CTNNA2: variants seen among roughly 807,000 people sequenced by gnomAD.
CTNNA2 encodes the protein catenin alpha 2.
A neutral mutation model predicts 101.0 loss-of-function variants in CTNNA2; 42 were observed. The observed-to-expected ratio is 0.42, with a 90% CI of 0.32 to 0.54. CTNNA2 has a LOEUF of 0.54. Ranked by LOEUF, CTNNA2 falls within the 20% of genes least tolerant of loss-of-function variation. The pLI is 0.14. For missense variants in CTNNA2, 871 were observed against 1,223.1 expected (o/e 0.71, Z 4.29); for synonymous variants, 450 against 456.4 (o/e 0.99, Z 0.18).
intron 9 of CTNNA2, among the ~76,000 whole-genome samples, chr2:80,433,463 C>T (rs112804935): frequency 1.2e-4 from 18 of 152,092 alleles, no homozygotes; most frequent in South Asian, 2.1e-4. Context: ...GCAGAGGACA[C>T]GGGGAATACA....
chr2:80,313,616 A>T, intron 7 of CTNNA2: 1 of 1,611,200 alleles, frequency 6.2e-7, no homozygotes, highest in Non-Finnish European at 8.5e-7. Context: ...TGAAAAAAAT[A>T]TGAAGACTTC....
intron 1 of CTNNA2, among the ~76,000 whole-genome samples, chr2:79,640,472 A>G (rs959110261): frequency 2.0e-5 from 3 of 152,216 alleles, no homozygotes; most frequent in African/African-American, 7.2e-5. Context: ...ATAAGCTAGT[A>G]TCCTGTTCTA....
intron 7 of CTNNA2, among the ~76,000 whole-genome samples, chr2:80,317,149 C>T (rs1476982514): frequency 6.6e-6 from 1 of 152,080 alleles, no homozygotes; most frequent in African/African-American, 2.4e-5. Context: ...CTAGTGTGCT[C>T]AAGTGAGTGA....
intron 4 of CTNNA2, among the ~76,000 whole-genome samples, chr2:79,442,503 G>A (rs936078562): frequency 4.6e-5 from 7 of 152,066 alleles, no homozygotes; most frequent in Non-Finnish European, 1.5e-5. Context: ...TTACAAAATG[G>A]CTTCCAATCT....
At chr2:79,321,433 T>C (rs1676621469) in intron 3 of CTNNA2, among the ~76,000 whole-genome samples, 2 of 152,180 alleles carry the variant, frequency 1.3e-5, no homozygotes, top group Admixed American at 6.5e-5. Flanking sequence ...TTATTGGTTC[T>C]ATAGCAGCTG....
chr2:79,815,693 T>C (rs115262371), intron 3 of CTNNA2, among the ~76,000 whole-genome samples: 15,796 of 152,166 alleles, frequency 0.1, 1,161 homozygotes, highest in African/African-American at 0.2. Flanking sequence ...TCAGGTGGTG[T>C]GATGCCTCCA....
chr2:79,616,919 C>T (rs1402396729), intron 1 of CTNNA2, among the ~76,000 whole-genome samples: 9 of 139,638 alleles, frequency 6.4e-5, no homozygotes, highest in East Asian at 2.5e-4. Context: ...CTTTTTTTTT[C>T]GAGACACAGT....
At chr2:79,835,010 C>A (rs1357717849) in intron 3 of CTNNA2, among the ~76,000 whole-genome samples, 2 of 152,098 alleles carry the variant, frequency 1.3e-5, no homozygotes, top group Non-Finnish European at 2.9e-5. Context: ...GCTATCTACT[C>A]TATAGGTCAA....
chr2:79,635,129 G>A (rs936199392), intron 1 of CTNNA2, among the ~76,000 whole-genome samples: 1 of 152,156 alleles, frequency 6.6e-6, no homozygotes, highest in Non-Finnish European at 1.5e-5. Flanking sequence ...GGCAGCGGTG[G>A]TGGAGAGAGA....
At chr2:79,217,953 A>G (rs1178548685) in intron 2 of CTNNA2, among the ~76,000 whole-genome samples, 1 of 152,216 alleles carries the variant, frequency 6.6e-6, no homozygotes, top group African/African-American at 2.4e-5. Flanking sequence ...AAAATATTTG[A>G]TGAAAGGAGG....
At chr2:80,636,344 A>G (rs1386043754) in intron 18 of CTNNA2, among the ~76,000 whole-genome samples, 1 of 152,174 alleles carries the variant, frequency 6.6e-6, no homozygotes, top group African/African-American at 2.4e-5. Flanking sequence ...TTATGCATTT[A>G]TAACCCACTT....
rs886836876 is a variant in CTNNA2, at chr2:79,389,777, T to C, written c.-135+15764T>C. Among the ~76,000 whole-genome samples, 6 of 152,130 alleles carry C rather than the reference T, an allele frequency of 3.9e-5. No homozygotes were observed. The East Asian group carries it at 1.2e-3, about 29-fold the overall frequency. ...CATTACATCACGGTTCAGCTATGTG[T>C]TTTTTGTTTTTTTCTGCTTTGAATG... On this transcript the variant is annotated intron_variant, in intron 4 of 21. Coordinates refer to the CTNNA2 transcript ENST00000466387.
At chr2:79,820,794 C>A (rs1677938551) in intron 3 of CTNNA2, among the ~76,000 whole-genome samples, 8 of 152,146 alleles carry the variant, frequency 5.3e-5, no homozygotes, top group Admixed American at 4.6e-4. Flanking sequence ...TGCTTAGCTG[C>A]AGATCTGAAA....
intron 12 of CTNNA2, among the ~76,000 whole-genome samples, chr2:80,567,739 C>T (rs1039969884): frequency 6.6e-5 from 10 of 152,078 alleles, no homozygotes; most frequent in African/African-American, 1.4e-4. Context: ...TAATCTTTAC[C>T]GAATTCCAAC....
chr2:79,601,873 C>T (rs1241420117), intron 1 of CTNNA2, among the ~76,000 whole-genome samples: 1 of 152,220 alleles, frequency 6.6e-6, no homozygotes, highest in African/African-American at 2.4e-5. Context: ...GTTGAAGATG[C>T]ATTTAATACA....
chr2:80,106,195 A>G (rs536717793), intron 7 of CTNNA2, among the ~76,000 whole-genome samples: 1 of 152,242 alleles, frequency 6.6e-6, no homozygotes, highest in Non-Finnish European at 1.5e-5. Flanking sequence ...CACACGTCAA[A>G]TGTATAGGAA....
In CTNNA2 at chr2:79,638,102, A is replaced by G. The variant is rs1028905817; in HGVS notation, c.-5-13450A>G. On this transcript the variant is annotated intron_variant, in intron 1 of 18. Transcript: ENST00000402739. ...GACTTGATGATAGCAACATGAAACTATTGCTAATTATAATAAACTTCGGCC... is the reference window on the plus strand; with the variant it reads ...GACTTGATGATAGCAACATGAAACTGTTGCTAATTATAATAAACTTCGGCC... Among the ~76,000 whole-genome samples the G allele has an allele frequency of 3.3e-5, 5 of 152,338 alleles. No individual in the cohort carries two copies. The East Asian group carries it at 7.7e-4, about 24-fold the overall frequency.
chr2:79,835,216 C>G (rs1162155482), intron 3 of CTNNA2, among the ~76,000 whole-genome samples: 1 of 152,078 alleles, frequency 6.6e-6, no homozygotes, highest in African/African-American at 2.4e-5. Context: ...GCCTTAAAAT[C>G]TGAACAGAAT....
At chr2:79,953,698 G>A (rs148850287) in intron 7 of CTNNA2, among the ~76,000 whole-genome samples, 154 of 152,202 alleles carry the variant, frequency 1.0e-3, no homozygotes, top group African/African-American at 3.3e-3. Context: ...TTAACCTCAC[G>A]TTCTTTATCT....
Sources: gnomAD v4.1 joint callset for allele counts (sites outside exome capture counted in the v4.1 genomes callset) on GRCh38, gnomAD v4.1.1 for gene constraint, MANE v1.5 for transcripts, NCBI Gene and HGNC (gene_info 2026-07-23, HGNC 2026-07-21) for gene names.